Variants in ACVR2A observed in about 807,000 individuals in gnomAD.
The protein encoded by ACVR2A is activin receptor type-2A.
ACVR2A carries 7 observed loss-of-function variants against 61.4 expected under a neutral mutation model. That is an observed-to-expected ratio of 0.11 (90% CI 0.06 to 0.21). The LOEUF is 0.21. Ranked by LOEUF, ACVR2A falls within the 10% of genes least tolerant of loss-of-function variation. The probability of loss-of-function intolerance (pLI) is 1.00; values close to 1 mark genes in which losing one functional copy is unlikely to be tolerated. For synonymous variants in ACVR2A, 193 were observed against 208.3 expected (o/e 0.93, Z 0.63); for missense variants, 322 against 621.7 (o/e 0.52, Z 5.13).
rs140428453 is a variant in ACVR2A at position 147,899,543 on chromosome 2, T to A, written c.349T>A (p.Phe117Ile). 9.5e-4 allele frequency: 1,530 copies of A among 1,613,320 alleles called. 3 individuals are homozygous for A. The highest frequency in any genetic ancestry group is 1.2e-3 in the Non-Finnish European group (1,379 of 1,179,556). Residue 117 changes from phenylalanine to isoleucine, a missense_variant, in exon 3 of 11, where the codon TTT becomes ATT. Phe to Ile is a conservative substitution (Grantham distance 21). Transcript: ENST00000241416. ...GNMCNEKFSY[F>I]PEMEVTQPTS... is the part of the protein sequence containing the mutation. The stretch of plus-strand genomic sequence containing the variant: ...TATGTGTAATGAAAAGTTTTCTTAT[T>A]TTCCGGAGATGGAAGTCACACAGCG...
chr2:147,881,661 G>GTGTGTGTGTGT (rs1686305711), intron 1 of ACVR2A, among the ~76,000 whole-genome samples: 3 of 128,208 alleles, frequency 2.3e-5, no homozygotes, highest in African/African-American at 8.4e-5. Context: ...GTGTGTGTGT[G>GTGTGTGTGTGT]GTTTTTTTTA....
chr2:147,922,569 AGTCT>A (rs1482448225), intron 8 of ACVR2A, among the ~76,000 whole-genome samples: 1 of 152,116 alleles, frequency 6.6e-6, no homozygotes, highest in Non-Finnish European at 1.5e-5. Flanking sequence ...TTTTAACATC[AGTCT>A]GTCCTTTACT....
At chr2:147,920,170 T>C in intron 7 of ACVR2A, 60 bp from the exon 8 acceptor site, 1 of 1,149,348 alleles carries the variant, frequency 8.7e-7, no homozygotes. Flanking sequence ...CTGCTTTCAA[T>C]AAAAAATTTA....
intron 1 of ACVR2A, among the ~76,000 whole-genome samples, chr2:147,845,517 A>T (rs74731002): frequency 6.6e-6 from 1 of 152,172 alleles, no homozygotes; most frequent in Non-Finnish European, 1.5e-5. Context: ...TTGGGTTGCA[A>T]TTAAGCCGCA....
intron 1 of ACVR2A, among the ~76,000 whole-genome samples, chr2:147,859,034 TA>T (rs1685657898): frequency 6.6e-6 from 1 of 152,160 alleles, no homozygotes; most frequent in African/African-American, 2.4e-5. Flanking sequence ...GAAATATGTT[TA>T]AAAAACTTTG....
chr2:147,869,882 G>A (rs1186669200), intron 1 of ACVR2A, among the ~76,000 whole-genome samples: 1 of 151,976 alleles, frequency 6.6e-6, no homozygotes, highest in African/African-American at 2.4e-5. Context: ...GCAAGGGAAG[G>A]GGCATGAACT....
chr2:147,920,616 C>A (rs767429888), intron 8 of ACVR2A, among the ~76,000 whole-genome samples: 1 of 152,126 alleles, frequency 6.6e-6, no homozygotes, highest in Non-Finnish European at 1.5e-5. Flanking sequence ...TTTTAACAGA[C>A]CTCATTCTTA....
At chr2:147,857,735 A>G (rs879871966) in intron 1 of ACVR2A, among the ~76,000 whole-genome samples, 16 of 152,010 alleles carry the variant, frequency 1.1e-4, no homozygotes, top group African/African-American at 3.4e-4. Flanking sequence ...CTTAGTTTCT[A>G]TTTTATAGTA....
At chr2:147,864,139 C>T (rs1685793706) in intron 1 of ACVR2A, among the ~76,000 whole-genome samples, 1 of 152,078 alleles carries the variant, frequency 6.6e-6, no homozygotes, top group Non-Finnish European at 1.5e-5. Context: ...ATTTGTGGTT[C>T]CCCTCTTCAC....
rs145075375 is a variant in ACVR2A at position 147,881,602 on chromosome 2, A to AGTGTGTGTGTGT, written c.56-14670_56-14659dup. Among the ~76,000 whole-genome samples the AGTGTGTGTGTGT allele has an allele frequency of 2.2e-4, 18 of 81,482 alleles. 1 individual carries two copies. The highest frequency in any genetic ancestry group is 6.1e-4 in the African/African-American group (14 of 23,100). The allele number at this position is 81,482 out of a possible 152,430, so 53.5% of individuals were successfully genotyped here. ...TTTTTCTCCTCTCAAGAAGCTGCTT[A>AGTGTGTGTGTGT]GTGTGTGTGTGTGTGTGTGTGTGTG... On this transcript the variant is annotated intron_variant, in intron 1 of 10. Coordinates refer to ENST00000241416, the MANE Select transcript of ACVR2A (RefSeq NM_001616.5).
chr2:147,904,545 C>G (rs1398631922), intron 4 of ACVR2A, among the ~76,000 whole-genome samples: 1 of 151,864 alleles, frequency 6.6e-6, no homozygotes, highest in African/African-American at 2.4e-5. Context: ...TAACATCAGC[C>G]TGTTCAATCT....
intron 4 of ACVR2A, among the ~76,000 whole-genome samples, chr2:147,900,993 G>C (rs570233274): frequency 6.6e-6 from 1 of 152,114 alleles, no homozygotes; most frequent in South Asian, 2.1e-4. Context: ...TGTGTATATA[G>C]AGAAATAAAC....
intron 1 of ACVR2A, among the ~76,000 whole-genome samples, chr2:147,864,084 T>A (rs1490509028): frequency 1.3e-5 from 2 of 152,156 alleles, no homozygotes; most frequent in East Asian, 3.8e-4. Flanking sequence ...GTTGGGTGAG[T>A]GAGCAAGAAC....
At chr2:147,913,431 T>C (rs1449488766) in intron 4 of ACVR2A, among the ~76,000 whole-genome samples, 1 of 152,056 alleles carries the variant, frequency 6.6e-6, no homozygotes, top group African/African-American at 2.4e-5. Flanking sequence ...GTTTGAAACC[T>C]ATCTCTCTAC....
intron 1 of ACVR2A, among the ~76,000 whole-genome samples, chr2:147,876,338 A>C (rs1329314438): frequency 6.6e-6 from 1 of 152,128 alleles, no homozygotes; most frequent in East Asian, 1.9e-4. Flanking sequence ...CTTCTAAAAG[A>C]AAATTTAAAA....
At chr2:147,852,140 G>A (rs116904967) in intron 1 of ACVR2A, among the ~76,000 whole-genome samples, 492 of 151,982 alleles carry the variant, frequency 3.2e-3, no homozygotes, top group East Asian at 8.3e-3. Flanking sequence ...GGGGATCTTA[G>A]GTATCCTCAT....
Position 147,927,078 on chromosome 2 carries a change from A to C in ACVR2A, c.1348-2A>C. 6.2e-7 allele frequency: 1 copy of C among 1,610,070 alleles called. No individual in the cohort carries two copies. The stretch of plus-strand genomic sequence containing the variant: ...TTTGAGTATATGTTTTTCTCCTTTT[A>C]GGGAATGGCAATGCTCTGTGAAACC... On this transcript the variant is annotated splice_acceptor_variant, in intron 10 of 10. Transcript: ENST00000241416. LOFTEE classifies it high-confidence loss of function.
chr2:147,910,398 A>G (rs555140254), intron 4 of ACVR2A, among the ~76,000 whole-genome samples: 3 of 152,162 alleles, frequency 2.0e-5, no homozygotes, highest in South Asian at 2.1e-4. Context: ...TTCAGTTGGC[A>G]TGTATTTCTT....
At chr2:147,913,874 A>G (rs1016971752) in intron 4 of ACVR2A, among the ~76,000 whole-genome samples, 2 of 150,700 alleles carry the variant, frequency 1.3e-5, no homozygotes, top group Non-Finnish European at 3.0e-5. Flanking sequence ...AATGAGTCAC[A>G]AGAAGTCTTT....
Sources: gnomAD v4.1 joint callset for allele counts (sites outside exome capture counted in the v4.1 genomes callset) on GRCh38, gnomAD v4.1.1 for gene constraint, MANE v1.5 for transcripts, NCBI Gene and HGNC (gene_info 2026-07-23, HGNC 2026-07-21) for gene names.